Variants in RAB6A observed in about 807,000 individuals in gnomAD.
RAB6A encodes ras-related protein Rab-6A.
A neutral mutation model predicts 32.3 loss-of-function variants in RAB6A; 8 were observed. The observed-to-expected ratio is 0.25, with a 90% confidence interval of 0.15 to 0.45. The LOEUF is 0.45. Ranked by LOEUF, RAB6A falls within the 20% of genes least tolerant of loss-of-function variation. The pLI is 1.00. For missense variants in RAB6A, 104 were observed against 249.4 expected (o/e 0.42, Z 3.93); for synonymous variants, 73 against 82.1 (o/e 0.89, Z 0.60).
chr11:73,746,365 C>A (rs1203340890), intron 1 of RAB6A, among the ~76,000 whole-genome samples: 1 of 151,798 alleles, frequency 6.6e-6, no homozygotes, highest in African/African-American at 2.4e-5. Context: ...CAAAAAATAG[C>A]CAGGCACAGT....
At chr11:73,686,098 T>A (rs916073650) in intron 6 of RAB6A, among the ~76,000 whole-genome samples, 4 of 152,104 alleles carry the variant, frequency 2.6e-5, no homozygotes, top group Non-Finnish European at 4.4e-5. Context: ...GGGAAAGATG[T>A]GGGGGTTGGG....
At chr11:73,746,454 G>T (rs1056747609) in intron 1 of RAB6A, among the ~76,000 whole-genome samples, 4 of 152,014 alleles carry the variant, frequency 2.6e-5, no homozygotes, top group Admixed American at 2.6e-4. Flanking sequence ...AAGTCAGTGT[G>T]CTATGATTGT....
At chr11:73,736,809 G>GAAAAAAAAAAAAAAAAAAAAAAAAAAAA (rs756237159) in intron 1 of RAB6A, among the ~76,000 whole-genome samples, 1 of 108,770 alleles carries the variant, frequency 9.2e-6, no homozygotes, top group Non-Finnish European at 1.7e-5. Flanking sequence ...AAAAAAAAAA[G>GAAAAAAAAAAAAAAAAAAAAAAAAAAAA]AAAAAAAAAA....
chr11:73,677,664 T>G lies in RAB6A; in HGVS notation c.*234A>C. The G allele has an allele frequency of 9.2e-7, 1 of 1,088,876 alleles. No individual in the cohort carries two copies. The highest frequency in any genetic ancestry group is 1.3e-6 in the Non-Finnish European group (1 of 765,752). The allele number at this position is 1,088,876 out of a possible 1,614,324, so 67.5% of individuals were successfully genotyped here. A position where few individuals can be genotyped will look rare whatever the true frequency, so the allele number is the denominator to read the frequency against. On this transcript the variant is annotated 3_prime_UTR_variant, in exon 8 of 8. Coordinates refer to ENST00000336083, the MANE Select transcript of RAB6A (RefSeq NM_198896.2). ...TGTATCTAATTTTTAAAGTTATCAC[T>G]GGAATATGCTGAAATATTTTGGCTT...
chr11:73,752,018 G>A (rs866623395), intron 1 of RAB6A, among the ~76,000 whole-genome samples: 2 of 152,012 alleles, frequency 1.3e-5, no homozygotes, highest in Middle Eastern at 3.2e-3. Context: ...AGTTTTTTGA[G>A]GACCACATCA....
intron 6 of RAB6A, among the ~76,000 whole-genome samples, chr11:73,706,929 C>T (rs1945855379): frequency 6.6e-6 from 1 of 151,732 alleles, no homozygotes. Context: ...ACCAGCCTGA[C>T]CAACATGAAA....
chr11:73,754,860 T>C (rs1441805517), intron 1 of RAB6A, among the ~76,000 whole-genome samples: 1 of 148,686 alleles, frequency 6.7e-6, no homozygotes, highest in Non-Finnish European at 1.5e-5. Context: ...ACTCACTCCA[T>C]CCTGGGCAAC....
At chr11:73,687,095 G>C (rs1367337685) in intron 6 of RAB6A, among the ~76,000 whole-genome samples, 6 of 152,026 alleles carry the variant, frequency 3.9e-5, no homozygotes, top group Admixed American at 6.6e-5. Context: ...TGCATCTTGA[G>C]GACATTATGC....
At chr11:73,718,842 G>A in intron 3 of RAB6A, 124 bp from the exon 4 acceptor site, 1 of 1,613,864 alleles carries the variant, frequency 6.2e-7, no homozygotes, top group Non-Finnish European at 8.5e-7. Flanking sequence ...CTGGGAATGA[G>A]GCTACGGAAA....
intron 1 of RAB6A, among the ~76,000 whole-genome samples, chr11:73,755,120 G>A (rs942525228): frequency 5.9e-5 from 9 of 151,484 alleles, no homozygotes; most frequent in African/African-American, 9.7e-5. Context: ...TAGTAGAGAC[G>A]GGGTTTCACC....
chr11:73,712,593 C>T (rs924532395), intron 5 of RAB6A, among the ~76,000 whole-genome samples: 1 of 150,842 alleles, frequency 6.6e-6, no homozygotes, highest in Non-Finnish European at 1.5e-5. Flanking sequence ...TCAGGTAATC[C>T]ACCTGCCTTG....
chr11:73,679,693 G>A lies in RAB6A; in HGVS notation c.523C>T (p.Pro175Ser). 1 of 1,613,336 alleles carries A rather than the reference G, an allele frequency of 6.2e-7. No individual in the cohort carries two copies. The highest frequency in any genetic ancestry group is 8.5e-7 in the Non-Finnish European group (1 of 1,179,830). Residue 175 changes from proline (P) to serine (S), a missense_variant, in exon 7 of 8, where the codon CCG (proline) becomes TCG (serine). This residue lies in a region of RAB6A where 33 missense variants were observed against 59.5 expected (regional missense o/e 0.55). Coordinates refer to ENST00000336083, the MANE Select transcript of RAB6A (RefSeq NM_198896.2). Reference protein sequence around the residue: ...QLFRRVAAALPGMESTQDRSR... With the variant: ...QLFRRVAAALSGMESTQDRSR... ...CTGTCCTGTGTGCTTTCCATTCCCG[G>A]CAAAGCTGCTGCTACACGTCGAAAG...
chr11:73,730,934 T>C, intron 1 of RAB6A, 111 bp from the exon 2 acceptor site: 2 of 735,478 alleles, frequency 2.7e-6, no homozygotes, highest in Non-Finnish European at 4.6e-6. Context: ...CCTGCAATGG[T>C]TCTACTAAGA....
rs556321352 is a variant in RAB6A, at chr11:73,723,288, GA to G, written c.130-2390del. On this transcript the variant is annotated intron_variant, in intron 2 of 7. Transcript: ENST00000336083. ...TCTATTCCTTCCAAATACTGGGGGG[GA>G]AAAAAAGAAAGATTTATTTTACTTA... Among the ~76,000 whole-genome samples, 683 of 150,998 alleles carry G rather than the reference GA, an allele frequency of 4.5e-3. 8 individuals are homozygous for G. The highest frequency in any genetic ancestry group is 0.016 in the African/African-American group (644 of 41,192).
At chr11:73,717,498 G>A (rs777230508) in intron 4 of RAB6A, among the ~76,000 whole-genome samples, 1 of 152,222 alleles carries the variant, frequency 6.6e-6, no homozygotes, top group Non-Finnish European at 1.5e-5. Context: ...AGGCTGGAGT[G>A]CAATGGCACG....
In RAB6A at chr11:73,677,982, G is replaced by A. The variant is rs377432274; in HGVS notation, c.563-20C>T. On this transcript the variant is annotated intron_variant, in intron 7 of 7. Coordinates refer to ENST00000336083, the MANE Select transcript of RAB6A (RefSeq NM_198896.2). ...CAATCACTGAAACAAAAGTTAAGAA[G>A]CCATAAATGGGAAAGTACAATTTCA... The A allele has an allele frequency of 3.7e-6, 6 of 1,612,730 alleles. No individual in the cohort carries two copies. The African/African-American group carries it at 8.0e-5, about 22-fold the overall frequency.
intron 2 of RAB6A, among the ~76,000 whole-genome samples, chr11:73,726,214 G>A (rs1247284164): frequency 2.0e-5 from 3 of 151,066 alleles, no homozygotes; most frequent in African/African-American, 7.3e-5. Context: ...GAACCCAGGA[G>A]GCAGAGGTTG....
At chr11:73,731,731 T>TATATACAC (rs1346850332) in intron 1 of RAB6A, among the ~76,000 whole-genome samples, 2 of 16,988 alleles carry the variant, frequency 1.2e-4, no homozygotes, top group African/African-American at 4.1e-4. Flanking sequence ...TATATATATA[T>TATATACAC]ACACACACAC....
chr11:73,731,717 T>C (rs1439715079), intron 1 of RAB6A, among the ~76,000 whole-genome samples: 25 of 15,114 alleles, frequency 1.7e-3, no homozygotes, highest in Admixed American at 7.1e-3. Context: ...TATATATATA[T>C]ATATATATAT....
Sources: gnomAD v4.1 joint callset for allele counts (sites outside exome capture counted in the v4.1 genomes callset) on GRCh38, gnomAD v4.1.1 for gene constraint, gnomAD v4.1.1 regional missense constraint, MANE v1.5 for transcripts, NCBI Gene and HGNC (gene_info 2026-07-23, HGNC 2026-07-21) for gene names.